Variants in C12orf54 observed in about 807,000 individuals in gnomAD.
The protein encoded by C12orf54 is uncharacterized protein C12orf54.
Under a neutral mutation model 26.4 loss-of-function variants are expected in C12orf54, and 24 were observed. That is an observed-to-expected ratio of 0.91 (90% CI 0.66 to 1.28). C12orf54 has a LOEUF of 1.28. C12orf54 is among the 50% of genes most tolerant of loss of function. The probability of loss-of-function intolerance (pLI) is 0.00; values close to 1 mark genes in which losing one functional copy is unlikely to be tolerated. For synonymous variants in C12orf54, 54 were observed against 47.0 expected (o/e 1.15, Z -0.61); for missense variants, 154 against 150.9 (o/e 1.02, Z -0.11).
At chr12:48,450,314 C>T in the C12orf54 span, among the ~76,000 whole-genome samples, 1 of 152,162 alleles carries the variant, frequency 6.6e-6, no homozygotes, top group African/African-American at 2.4e-5. Context: ...ATACCAGAAT[C>T]TCTGGGATGC....
the C12orf54 span, among the ~76,000 whole-genome samples, chr12:48,464,368 G>T: frequency 1.3e-5 from 2 of 152,066 alleles, no homozygotes; most frequent in Non-Finnish European, 1.5e-5. Context: ...GCTAACCAGG[G>T]AGGTGAAAGA....
At chr12:48,435,717 A>AT in the C12orf54 span, among the ~76,000 whole-genome samples, 1 of 152,150 alleles carries the variant, frequency 6.6e-6, no homozygotes, top group African/African-American at 2.4e-5. Context: ...ATGCTGAGAG[A>AT]TTTTGTCACC....
the C12orf54 span, among the ~76,000 whole-genome samples, chr12:48,448,715 G>C: frequency 3.3e-5 from 5 of 152,218 alleles, no homozygotes; most frequent in Non-Finnish European, 7.3e-5. Context: ...TTGTAGAGGT[G>C]AGTGGCCATG....
chr12:48,483,163 G>GACATCTGTCCTGA, intron 1 of C12orf54, 77 bp from the exon 2 acceptor site: 1 of 654,894 alleles, frequency 1.5e-6, no homozygotes, highest in East Asian at 2.9e-5. Context: ...TTAACTGCTG[G>GACATCTGTCCTGA]TAGTTCTCCA....
At chr12:48,439,468 A>G in the C12orf54 span, among the ~76,000 whole-genome samples, 2 of 152,234 alleles carry the variant, frequency 1.3e-5, no homozygotes, top group Non-Finnish European at 2.9e-5. Flanking sequence ...TTGCAGCACT[A>G]TTCACAATAG....
the C12orf54 span, among the ~76,000 whole-genome samples, chr12:48,421,512 C>CTTT: frequency 0.014 from 591 of 43,470 alleles, 186 homozygotes; most frequent in Non-Finnish European, 0.017. Flanking sequence ...ATATCATGTG[C>CTTT]TTTTTTTTTT....
chr12:48,475,900 A>G, the C12orf54 span, among the ~76,000 whole-genome samples: 1 of 152,086 alleles, frequency 6.6e-6, no homozygotes, highest in Non-Finnish European at 1.5e-5. Context: ...AGAGAACGCC[A>G]CAAAGATACT....
the C12orf54 span, among the ~76,000 whole-genome samples, chr12:48,415,784 G>A: frequency 6.6e-6 from 1 of 151,948 alleles, no homozygotes; most frequent in Non-Finnish European, 1.5e-5. Flanking sequence ...ATTTTCTAGA[G>A]CTTCAAAATA....
the C12orf54 span, among the ~76,000 whole-genome samples, chr12:48,418,470 A>G: frequency 6.6e-6 from 1 of 152,268 alleles, no homozygotes; most frequent in Admixed American, 6.5e-5. Flanking sequence ...TTTATGTCAG[A>G]CATGTGAGGG....
Position 48,483,279 on chromosome 12 carries a change from G to A in C12orf54, c.-18G>A, listed in dbSNP as rs373226035. ...TCCATCTTCAGCTCCAGAGTCCTTG[G>A]TTTCTGTCTGAGAACAAATGGCACA... On this transcript the variant is annotated 5_prime_UTR_variant, in exon 2 of 9. Coordinates refer to ENST00000548364, the MANE Select transcript of C12orf54 (RefSeq NM_152319.4). 5.6e-6 allele frequency: 9 copies of A among 1,613,310 alleles called. No individual in the cohort carries two copies. In the South Asian group the frequency reaches 6.6e-5, roughly 12 times the overall value.
the C12orf54 span, among the ~76,000 whole-genome samples, chr12:48,455,281 T>C: frequency 1.3e-5 from 2 of 152,336 alleles, no homozygotes; most frequent in East Asian, 3.9e-4. Flanking sequence ...ATGATTTTAT[T>C]CTTTTTGATG....
At chr12:48,470,839 G>A in the C12orf54 span, among the ~76,000 whole-genome samples, 2 of 151,084 alleles carry the variant, frequency 1.3e-5, no homozygotes, top group Non-Finnish European at 2.9e-5. Flanking sequence ...AAATTTTGTG[G>A]GTGCATATTA....
At chr12:48,479,131 G>A (rs1954173464), upstream of C12orf54, among the ~76,000 whole-genome samples, 1 of 152,154 alleles carries the variant, frequency 6.6e-6, no homozygotes, top group Non-Finnish European at 1.5e-5. Context: ...AACAATGATA[G>A]ACTGGATTAA....
chr12:48,489,762 CCCAG>C (rs1937744927), intron 5 of C12orf54, among the ~76,000 whole-genome samples: 1 of 150,174 alleles, frequency 6.7e-6, no homozygotes, highest in Non-Finnish European at 1.5e-5. Flanking sequence ...TGTTCTGTCA[CCCAG>C]GCTAGAGTGT....
chr12:48,426,289 AATCATT>A, the C12orf54 span, among the ~76,000 whole-genome samples: 1 of 152,090 alleles, frequency 6.6e-6, no homozygotes, highest in Non-Finnish European at 1.5e-5. Context: ...GTCCAGTTTC[AATCATT>A]TGCATATAGC....
At chr12:48,414,381 T>C in the C12orf54 span, among the ~76,000 whole-genome samples, 1 of 152,252 alleles carries the variant, frequency 6.6e-6, no homozygotes, top group East Asian at 1.9e-4. Flanking sequence ...AATCTGGTTT[T>C]CTTTTCCAAC....
the C12orf54 span, among the ~76,000 whole-genome samples, chr12:48,440,332 A>G: frequency 6.6e-6 from 1 of 152,356 alleles, no homozygotes; most frequent in East Asian, 1.9e-4. Flanking sequence ...GAAGGATGAC[A>G]CTTGCCAGCT....
the C12orf54 span, among the ~76,000 whole-genome samples, chr12:48,460,402 T>C: frequency 4.7e-5 from 7 of 150,366 alleles, no homozygotes; most frequent in Admixed American, 4.6e-4. Flanking sequence ...ACTGAAGGAA[T>C]TCATTACCTG....
the C12orf54 span, among the ~76,000 whole-genome samples, chr12:48,414,839 C>G: frequency 6.6e-6 from 1 of 152,130 alleles, no homozygotes; most frequent in Non-Finnish European, 1.5e-5. Flanking sequence ...CAGGGACCAG[C>G]GTGGGGCCTC....
Sources: gnomAD v4.1 joint callset for allele counts (sites outside exome capture counted in the v4.1 genomes callset) on GRCh38, gnomAD v4.1.1 for gene constraint, MANE v1.5 for transcripts, NCBI Gene and HGNC (gene_info 2026-07-23, HGNC 2026-07-21) for gene names.